The following OR4K1 variants were observed in gnomAD, a reference collection of about 807,000 sequenced individuals.
OR4K1 encodes olfactory receptor family 4 subfamily K member 1, also known as olfactory receptor 4K1.
OR4K1 carries 16 observed loss-of-function variants against 14.4 expected under a neutral mutation model. The ratio of observed to expected loss-of-function variants is 1.11; its 90% CI spans 0.75 to 1.68. The LOEUF is 1.68. Ranked by LOEUF, OR4K1 falls within the 40% of genes most tolerant of loss-of-function variation. The pLI is 0.00. For missense variants in OR4K1, 548 were observed against 376.9 expected (o/e 1.45, Z -3.76); for synonymous variants, 181 against 133.1 (o/e 1.36, Z -2.48).
At position 19,930,965 on chromosome 14, in the gene OR4K1, A is replaced by G. The variant is rs897405115; in HGVS notation, c.-200A>G. On this transcript the variant is annotated 5_prime_UTR_variant, in exon 1 of 2. Coordinates refer to ENST00000641172, the MANE Select transcript of OR4K1 (RefSeq NM_001004063.3). ...TCAGGACAGGACCTGAGGACCTGAG[A>G]GGCTTCCTTCCATACGGCATAGTGT... is the stretch of plus-strand genomic sequence containing the variant. The G allele has an allele frequency of 6.6e-6, 1 of 150,852 alleles. No individual in the cohort carries two copies. Among genetic ancestry groups the G allele is most frequent in the Admixed American group, 6.6e-5 (1 of 15,236 alleles). 9.3% of individuals were successfully genotyped at this position (150,852 alleles called of 1,614,324 possible).
chr14:19,924,502 C>G, the OR4K1 span, among the ~76,000 whole-genome samples: 4 of 151,352 alleles, frequency 2.6e-5, no homozygotes, highest in African/African-American at 9.7e-5. Flanking sequence ...AATCGCCATC[C>G]TGACTGGTGT....
the OR4K1 span, among the ~76,000 whole-genome samples, chr14:19,922,203 A>G: frequency 6.6e-6 from 1 of 152,244 alleles, no homozygotes; most frequent in Admixed American, 6.5e-5. Context: ...CTGATTGGCT[A>G]GATAATTCCA....
intron 1 of OR4K1, among the ~76,000 whole-genome samples, chr14:19,931,852 A>G (rs1882192246): frequency 6.6e-6 from 1 of 152,258 alleles, no homozygotes; most frequent in Non-Finnish European, 1.5e-5. Context: ...TGCTGAAGGA[A>G]TGCTAACTTT....
chr14:19,922,076 C>CGG, the OR4K1 span, among the ~76,000 whole-genome samples: 4 of 130,080 alleles, frequency 3.1e-5, no homozygotes, highest in African/African-American at 5.4e-5. Flanking sequence ...GACTCCCCCC[C>CGG]CCAAAAATCA....
upstream of OR4K1, among the ~76,000 whole-genome samples, chr14:19,927,457 T>C (rs1051169478): frequency 2.0e-5 from 3 of 152,228 alleles, no homozygotes; most frequent in African/African-American, 7.2e-5. Flanking sequence ...AAGATCAAAA[T>C]TGAAAATTGG....
intron 1 of OR4K1, among the ~76,000 whole-genome samples, chr14:19,933,309 CAAT>C (rs1882227585): frequency 2.0e-5 from 3 of 152,136 alleles, no homozygotes; most frequent in African/African-American, 7.2e-5. Flanking sequence ...AGGCTTTCCA[CAAT>C]GAGTCAAATG....
At chr14:19,930,210 CT>C, upstream of OR4K1, among the ~76,000 whole-genome samples, 1 of 152,038 alleles carries the variant, frequency 6.6e-6, no homozygotes, top group South Asian at 2.1e-4. Context: ...TGCTCAAATG[CT>C]TATATATGTG....
Position 19,936,076 on chromosome 14 carries a change from AC to A in OR4K1, c.412del (p.Arg138GlyfsTer5), listed in dbSNP as rs1448359154. 3 of 1,614,110 alleles carry A rather than the reference AC, an allele frequency of 1.9e-6. No homozygotes were observed. The highest frequency in any genetic ancestry group is 2.5e-6 in the Non-Finnish European group (3 of 1,180,038). On this transcript the variant is annotated frameshift_variant, in exon 2 of 2. Coordinates refer to ENST00000641172, the MANE Select transcript of OR4K1 (RefSeq NM_001004063.3). LOFTEE classifies it high-confidence loss of function. ...CKPLHYSTIM[N>X]RRLCVIFVSI... ...CCTCTGCACTACAGTACAATTATGA[AC>A]CGGAGGCTCTGTGTAATTTTTGTGT...
upstream of OR4K1, among the ~76,000 whole-genome samples, chr14:19,929,467 G>A (rs1336568394): frequency 6.6e-6 from 1 of 151,008 alleles, no homozygotes; most frequent in Non-Finnish European, 1.5e-5. Context: ...TTTCACCTTG[G>A]AGCTTTTCTT....
At chr14:19,935,518 A>G in intron 1 of OR4K1, 130 bp from the exon 2 acceptor site, 1 of 732,322 alleles carries the variant, frequency 1.4e-6, no homozygotes, top group Non-Finnish European at 2.2e-6. Flanking sequence ...GTATTTACAT[A>G]CGTAAATATA....
At chr14:19,927,518 T>C (rs1002807649), upstream of OR4K1, among the ~76,000 whole-genome samples, 1 of 152,234 alleles carries the variant, frequency 6.6e-6, no homozygotes, top group Non-Finnish European at 1.5e-5. Context: ...GTGAGTGGGC[T>C]CTAAGTGTGT....
In OR4K1 at chr14:19,936,430, T is replaced by C. The variant is rs1429969646; in HGVS notation, c.764T>C (p.Ile255Thr). The C allele has an allele frequency of 6.2e-7, 1 of 1,614,148 alleles. No individual in the cohort carries two copies. Among genetic ancestry groups the C allele is most frequent in the East Asian group, 2.2e-5 (1 of 44,892 alleles). ...TVVILFFGPC[I>T]YFYIWPFSRL... ...GTCATTCTTTTCTTCGGGCCTTGCA[T>C]TTATTTCTATATATGGCCTTTTAGC... Residue 255 changes from isoleucine (I) to threonine (T), a missense_variant, in exon 2 of 2, where the codon ATT (isoleucine) becomes ACT (threonine). Ile to Thr is a moderately conservative substitution (Grantham distance 89). Transcript: ENST00000641172.
At chr14:19,921,022 G>A in the OR4K1 span, 6 of 1,614,204 alleles carry the variant, frequency 3.7e-6, no homozygotes, top group South Asian at 6.6e-5. Context: ...ATGAGCCGAA[G>A]GACATGCACT....
At chr14:19,921,398 C>A in the OR4K1 span, 1 of 1,614,126 alleles carries the variant, frequency 6.2e-7, no homozygotes, top group Non-Finnish European at 8.5e-7. Flanking sequence ...CCTTTACCAT[C>A]TCTCCTTTGG....
Position 19,935,856 on chromosome 14 carries a change from A to C in OR4K1, c.190A>C (p.Ser64Arg). ...GAACTCTCCTATGTACTTCTTGCTC[A>C]GTAATCTTTCTTTCATTGATATCTG... ...HLNSPMYFLL[S>R]NLSFIDICQS... The change falls in exon 2 of 2, where the codon AGT becomes CGT. Residue 64 changes from serine to arginine, a missense_variant. Transcript: ENST00000641172. The C allele has an allele frequency of 6.2e-7, 1 of 1,614,238 alleles. No homozygotes were observed. The highest frequency in any genetic ancestry group is 1.1e-5 in the South Asian group (1 of 91,088).
intron 1 of OR4K1, among the ~76,000 whole-genome samples, chr14:19,934,546 A>G (rs925702010): frequency 6.6e-6 from 1 of 152,270 alleles, no homozygotes; most frequent in Admixed American, 6.5e-5. Flanking sequence ...TTGATTAACT[A>G]TTTGTTAAAA....
chr14:19,936,163 T>C lies in OR4K1; in HGVS notation c.497T>C (p.Leu166Pro). The C allele has an allele frequency of 1.2e-6, 2 of 1,614,254 alleles. No homozygotes were observed. Among genetic ancestry groups the C allele is most frequent in the Non-Finnish European group, 1.7e-6 (2 of 1,180,038 alleles). The stretch of plus-strand genomic sequence containing the variant: ...AGCCACTTGGCTTTTACAGTGGACC[T>C]GCCATTCTGTGGTCCCAATGAGGTG... Reference protein sequence around the residue: ...SVSHLAFTVDLPFCGPNEVDS... With the variant: ...SVSHLAFTVDPPFCGPNEVDS... Residue 166 changes from leucine (L) to proline (P), a missense_variant, in exon 2 of 2, where the codon CTG (leucine) becomes CCG (proline). Transcript: ENST00000641172.
the OR4K1 span, chr14:19,921,094 C>T: frequency 6.2e-7 from 1 of 1,614,206 alleles, no homozygotes; most frequent in Non-Finnish European, 8.5e-7. Context: ...TTATCATTTA[C>T]TGTGAACCTG....
chr14:19,927,421 G>T (rs941193630), upstream of OR4K1, among the ~76,000 whole-genome samples: 2 of 152,234 alleles, frequency 1.3e-5, no homozygotes, highest in Non-Finnish European at 2.9e-5. Flanking sequence ...TTGAAAAATG[G>T]CTTTGCTAGC....
Sources: gnomAD v4.1 joint callset for allele counts (sites outside exome capture counted in the v4.1 genomes callset) on GRCh38, gnomAD v4.1.1 for gene constraint, MANE v1.5 for transcripts, NCBI Gene and HGNC (gene_info 2026-07-23, HGNC 2026-07-21) for gene names.